CAMK2D: variants seen among roughly 807,000 people sequenced by gnomAD.
CAMK2D encodes calcium/calmodulin-dependent protein kinase type II subunit delta.
CAMK2D carries 37 observed loss-of-function variants against 84.0 expected under a neutral mutation model. The observed-to-expected ratio is 0.44, with a 90% CI of 0.34 to 0.58. The LOEUF is 0.58. Ranked by LOEUF, CAMK2D falls within the 20% of genes least tolerant of loss-of-function variation. The pLI is 0.02. For synonymous variants in CAMK2D, 202 were observed against 212.5 expected (o/e 0.95, Z 0.43); for missense variants, 448 against 652.5 (o/e 0.69, Z 3.41).
intron 2 of CAMK2D, among the ~76,000 whole-genome samples, chr4:113,722,161 A>G (rs1360730169): frequency 2.6e-5 from 4 of 152,196 alleles, no homozygotes; most frequent in African/African-American, 9.7e-5. Context: ...TCTTCCCTAC[A>G]TTAAACCTTC....
At chr4:113,568,255 T>C (rs6845640) in intron 4 of CAMK2D, among the ~76,000 whole-genome samples, 5,936 of 152,234 alleles carry the variant, frequency 0.039, 396 homozygotes, top group African/African-American at 0.13. Context: ...CAGCACCTGG[T>C]AACTGTCACT....
intron 2 of CAMK2D, among the ~76,000 whole-genome samples, chr4:113,686,923 A>G (rs773436447): frequency 5.9e-5 from 9 of 152,134 alleles, no homozygotes; most frequent in Non-Finnish European, 1.3e-4. Flanking sequence ...TAAAATAAAG[A>G]TATCTTTTAA....
chr4:113,717,017 A>C (rs920867235), intron 2 of CAMK2D, among the ~76,000 whole-genome samples: 2 of 152,190 alleles, frequency 1.3e-5, no homozygotes, highest in Admixed American at 6.5e-5. Flanking sequence ...GAATTCCCAT[A>C]AAAGATTACA....
chr4:113,468,737 G>C (rs2154115540), intron 16 of CAMK2D, among the ~76,000 whole-genome samples: 1 of 152,212 alleles, frequency 6.6e-6, no homozygotes, highest in South Asian at 2.1e-4. Context: ...TGAACACCAA[G>C]TAATAAATAA....
chr4:113,739,795 T>C (rs139715536), intron 2 of CAMK2D, among the ~76,000 whole-genome samples: 1 of 152,266 alleles, frequency 6.6e-6, no homozygotes, highest in African/African-American at 2.4e-5. Context: ...TGTCCTGTTT[T>C]TTTCAACTTT....
intron 4 of CAMK2D, among the ~76,000 whole-genome samples, chr4:113,591,005 T>A (rs2098874801): frequency 6.6e-6 from 1 of 152,196 alleles, no homozygotes; most frequent in Non-Finnish European, 1.5e-5. Context: ...ATTCAACAGA[T>A]GTTTGTTGAG....
intron 3 of CAMK2D, among the ~76,000 whole-genome samples, chr4:113,645,129 GCCTTA>G (rs888778291): frequency 3.9e-5 from 6 of 152,100 alleles, no homozygotes; most frequent in African/African-American, 1.4e-4. Flanking sequence ...CCATTCTCCT[GCCTTA>G]GCCTCCTGAG....
Position 113,523,171 on chromosome 4 carries a change from T to G in CAMK2D, c.602-5514A>C, listed in dbSNP as rs76777688. 5.1e-3 allele frequency among the ~76,000 whole-genome samples: 780 copies of G among 152,316 alleles called. 7 individuals are homozygous for G. The highest frequency in any genetic ancestry group is 0.018 in the African/African-American group (728 of 41,572). On this transcript the variant is annotated intron_variant, in intron 8 of 20. Transcript: ENST00000511664. ...CAGAACTATGAGAAAGAAATTTCGT[T>G]GTTTATAAGCCACGCAGTCTATGTG...
intron 3 of CAMK2D, among the ~76,000 whole-genome samples, chr4:113,659,741 A>C (rs2099220379): frequency 6.6e-6 from 1 of 152,220 alleles, no homozygotes; most frequent in African/African-American, 2.4e-5. Context: ...AGTCTTAGCA[A>C]ACCAATACAG....
chr4:113,531,336 T>C, intron 7 of CAMK2D, 37 bp from the exon 8 acceptor site: 1 of 1,032,786 alleles, frequency 9.7e-7, no homozygotes, highest in Non-Finnish European at 1.5e-6. Flanking sequence ...ACAGTTGATT[T>C]GACAAAACAA....
chr4:113,523,278 C>A (rs2098384902), intron 8 of CAMK2D, among the ~76,000 whole-genome samples: 1 of 152,160 alleles, frequency 6.6e-6, no homozygotes, highest in African/African-American at 2.4e-5. Context: ...AAACTGCTCT[C>A]CTAAAGGAAT....
chr4:113,567,999 A>T (rs2154218599), intron 4 of CAMK2D, among the ~76,000 whole-genome samples: 1 of 152,324 alleles, frequency 6.6e-6, no homozygotes, highest in East Asian at 1.9e-4. Context: ...TTGATACTTA[A>T]ACCATAAGAT....
intron 3 of CAMK2D, among the ~76,000 whole-genome samples, chr4:113,621,304 C>T (rs893860385): frequency 4.6e-5 from 7 of 151,736 alleles, no homozygotes; most frequent in African/African-American, 1.7e-4. Context: ...TTCTTATATG[C>T]CAGATGAAAT....
intron 4 of CAMK2D, among the ~76,000 whole-genome samples, chr4:113,555,292 C>T (rs570949084): frequency 1.3e-3 from 203 of 152,140 alleles, no homozygotes; most frequent in African/African-American, 4.5e-3. Context: ...AAGCAGTGCT[C>T]GAGGTGGTGG....
In CAMK2D at chr4:113,670,299, A is replaced by T. The variant is rs186107814; in HGVS notation, c.161-8527T>A. Reference sequence around the variant, plus strand: ...TCTGTCTCAAAAAATAAATAAATAAACAAACAAATAAATAAATAAATAAAA... The same window carrying T: ...TCTGTCTCAAAAAATAAATAAATAATCAAACAAATAAATAAATAAATAAAA... On this transcript the variant is annotated intron_variant, in intron 2 of 20. Transcript: ENST00000511664. 7.3e-5 allele frequency among the ~76,000 whole-genome samples: 11 copies of T among 150,324 alleles called. 1 individual carries two copies. In the East Asian group the frequency reaches 2.1e-3, roughly 29 times the overall value.
At chr4:113,586,347 G>A (rs1270883623) in intron 4 of CAMK2D, among the ~76,000 whole-genome samples, 1 of 152,136 alleles carries the variant, frequency 6.6e-6, no homozygotes, top group East Asian at 1.9e-4. Flanking sequence ...AAGAGGACCT[G>A]AGACCAGCTG....
chr4:113,681,311 C>A (rs776780579), intron 2 of CAMK2D, among the ~76,000 whole-genome samples: 4 of 151,976 alleles, frequency 2.6e-5, no homozygotes, highest in Non-Finnish European at 5.9e-5. Context: ...GGTGGTTACC[C>A]CCATGATGTC....
intron 16 of CAMK2D, 51 bp downstream of exon 16, chr4:113,500,408 CATAT>C (rs1167042432): frequency 1.8e-5 from 19 of 1,054,850 alleles, no homozygotes; most frequent in Non-Finnish European, 2.6e-5. Flanking sequence ...CTTTTTTTTT[CATAT>C]ATATATGTGA....
chr4:113,761,135 CCCGGGACTGG>C lies in CAMK2D; in HGVS notation c.-77_-68del. 6.2e-7 allele frequency: 1 copy of C among 1,609,358 alleles called. No individual in the cohort carries two copies. ...AGAAGCGAGCAGACGCGCGGCTAAC[CCCGGGACTGG>C]CCCCGCGGCGCTGTCACCCAGGGCC... On this transcript the variant is annotated 5_prime_UTR_variant, in exon 1 of 21. Coordinates refer to ENST00000511664, the MANE Select transcript of CAMK2D (RefSeq NM_001321571.2).
Sources: allele counts gnomAD v4.1 joint callset (sites outside exome capture counted in the v4.1 genomes callset), GRCh38; gene constraint gnomAD v4.1.1; transcripts MANE v1.5; gene names NCBI Gene and HGNC (gene_info 2026-07-23, HGNC 2026-07-21).